The following ANKRD44 variants were observed in gnomAD, a reference collection of about 807,000 sequenced individuals.
ANKRD44 encodes serine/threonine-protein phosphatase 6 regulatory ankyrin repeat subunit B.
Under a neutral mutation model 116.0 loss-of-function variants are expected in ANKRD44, and 35 were observed. The observed-to-expected ratio is 0.30, with a 90% CI of 0.23 to 0.40. The LOEUF (loss-of-function observed/expected upper bound fraction) is 0.40. Among genes scored for constraint, ANKRD44 ranks in the 10% least tolerant of loss-of-function variants. ANKRD44 has a pLI of 1.00. For missense variants in ANKRD44, 1,014 were observed against 1,242.6 expected (o/e 0.82, Z 2.77); for synonymous variants, 435 against 461.8 (o/e 0.94, Z 0.74).
chr2:196,990,011 T>G (rs893516409), intron 27 of ANKRD44: 1 of 1,052,972 alleles, frequency 9.5e-7, no homozygotes, highest in Admixed American at 5.3e-5. Context: ...TGAAAATTAG[T>G]CACAGGCTTG....
intron 16 of ANKRD44, among the ~76,000 whole-genome samples, chr2:197,033,637 G>C (rs903538451): frequency 6.8e-6 from 1 of 146,424 alleles, no homozygotes; most frequent in East Asian, 2.0e-4. Context: ...ATGGGGGCAG[G>C]AAACAAAGAG....
chr2:197,157,267 C>T (rs957122634), intron 2 of ANKRD44, among the ~76,000 whole-genome samples: 1 of 151,994 alleles, frequency 6.6e-6, no homozygotes, highest in African/African-American at 2.4e-5. Flanking sequence ...TCGAATTAAC[C>T]AATAGTGGGT....
intron 1 of ANKRD44, among the ~76,000 whole-genome samples, chr2:197,208,601 C>A (rs563269396): frequency 3.0e-4 from 45 of 152,172 alleles, no homozygotes; most frequent in Admixed American, 9.8e-4. Flanking sequence ...GAGATTGAGA[C>A]CATTCTGGCT....
intron 8 of ANKRD44, among the ~76,000 whole-genome samples, chr2:197,114,409 A>G (rs1425557272): frequency 6.6e-6 from 1 of 152,254 alleles, no homozygotes; most frequent in Non-Finnish European, 1.5e-5. Flanking sequence ...TCAAGCCCTA[A>G]GTCATAAAGG....
intron 1 of ANKRD44, among the ~76,000 whole-genome samples, chr2:197,232,948 T>C (rs2081899751): frequency 1.3e-5 from 2 of 152,260 alleles, no homozygotes; most frequent in South Asian, 4.1e-4. Context: ...TTTGTTATTT[T>C]ATTTGATCCT....
At chr2:197,057,746 T>C (rs994197303) in intron 16 of ANKRD44, among the ~76,000 whole-genome samples, 1 of 152,160 alleles carries the variant, frequency 6.6e-6, no homozygotes, top group African/African-American at 2.4e-5. Context: ...TAATCCCAGA[T>C]ACTCTGGAGG....
intron 1 of ANKRD44, among the ~76,000 whole-genome samples, chr2:197,262,915 A>G (rs1441241311): frequency 6.6e-6 from 1 of 152,112 alleles, no homozygotes; most frequent in Non-Finnish European, 1.5e-5. Flanking sequence ...AAAAACAAAA[A>G]CAAAAACAAA....
intron 2 of ANKRD44, among the ~76,000 whole-genome samples, chr2:197,182,735 A>G (rs758816803): frequency 7.9e-5 from 12 of 152,184 alleles, no homozygotes; most frequent in East Asian, 3.8e-4. Flanking sequence ...CCCTCCCTGT[A>G]TGCAGGTTTC....
intron 1 of ANKRD44, among the ~76,000 whole-genome samples, chr2:197,262,135 T>C (rs1402101970): frequency 6.6e-6 from 1 of 152,186 alleles, no homozygotes; most frequent in Non-Finnish European, 1.5e-5. Flanking sequence ...CATACGGTAG[T>C]TCCCTCTGAT....
chr2:197,218,268 C>A (rs2125716966), intron 1 of ANKRD44, among the ~76,000 whole-genome samples: 1 of 152,254 alleles, frequency 6.6e-6, no homozygotes, highest in East Asian at 1.9e-4. Context: ...TTTCCCCTTC[C>A]AAATTCCCAG....
intron 8 of ANKRD44, among the ~76,000 whole-genome samples, chr2:197,120,245 A>G (rs149788897): frequency 6.6e-6 from 1 of 152,328 alleles, no homozygotes; most frequent in East Asian, 1.9e-4. Context: ...GCACTCTTTC[A>G]GTACCAAACA....
At chr2:197,060,587 G>A (rs896427393) in intron 16 of ANKRD44, among the ~76,000 whole-genome samples, 5 of 152,188 alleles carry the variant, frequency 3.3e-5, no homozygotes, top group Non-Finnish European at 7.3e-5. Context: ...ATACAATGCA[G>A]TATTATTAAC....
At chr2:197,078,969 TTGTGTGTGTGTGTGTG>T in intron 15 of ANKRD44, among the ~76,000 whole-genome samples, 155 bp from the exon 16 acceptor site, 1 of 147,214 alleles carries the variant, frequency 6.8e-6, no homozygotes, top group African/African-American at 2.5e-5. Flanking sequence ...GTGTTGAAAA[TTGTGTGTGTGTGTGTG>T]TGTGTGTGTG....
chr2:197,052,370 T>G (rs1316283295), intron 16 of ANKRD44, among the ~76,000 whole-genome samples: 3 of 152,122 alleles, frequency 2.0e-5, no homozygotes, highest in African/African-American at 7.2e-5. Context: ...GAGGATGAAG[T>G]GCAATAAATA....
At chr2:197,179,146 T>C (rs1163018309) in intron 2 of ANKRD44, among the ~76,000 whole-genome samples, 2 of 152,240 alleles carry the variant, frequency 1.3e-5, no homozygotes, top group Admixed American at 1.3e-4. Flanking sequence ...CTTTCTAGTC[T>C]GTTCTACTAC....
chr2:197,038,919 G>T (rs535295514), intron 16 of ANKRD44, among the ~76,000 whole-genome samples: 1 of 152,194 alleles, frequency 6.6e-6, no homozygotes, highest in South Asian at 2.1e-4. Flanking sequence ...GTAATGCAAA[G>T]AATTGCTGCA....
intron 1 of ANKRD44, among the ~76,000 whole-genome samples, chr2:197,293,052 CA>C (rs2083615919): frequency 6.6e-6 from 1 of 152,108 alleles, no homozygotes; most frequent in South Asian, 2.1e-4. Flanking sequence ...ATCCACCAAA[CA>C]AATATTAGCA....
intron 16 of ANKRD44, among the ~76,000 whole-genome samples, chr2:197,031,819 T>C (rs779015206): frequency 6.6e-6 from 1 of 152,214 alleles, no homozygotes; most frequent in Non-Finnish European, 1.5e-5. Context: ...ACTTAAATAA[T>C]CTAGTATCTG....
intron 17 of ANKRD44, chr2:197,015,870 T>C: frequency 3.9e-6 from 2 of 517,140 alleles, no homozygotes; most frequent in South Asian, 3.3e-5. Context: ...GGAACAATAA[T>C]GATTCTGGAA....
Sources: gnomAD v4.1 joint callset for allele counts (sites outside exome capture counted in the v4.1 genomes callset) on GRCh38, gnomAD v4.1.1 for gene constraint, MANE v1.5 for transcripts, NCBI Gene and HGNC (gene_info 2026-07-23, HGNC 2026-07-21) for gene names.